EXOC4: variants seen among roughly 807,000 people sequenced by gnomAD.
The protein encoded by EXOC4 is exocyst complex component 4, also known as SEC8-like 1.
Under a neutral mutation model 107.2 loss-of-function variants are expected in EXOC4, and 71 were observed. The ratio of observed to expected loss-of-function variants is 0.66; its 90% CI spans 0.55 to 0.81. EXOC4 has a LOEUF of 0.81. EXOC4 is among the 30% of genes least tolerant of loss of function. The pLI, the probability that EXOC4 is intolerant of heterozygous loss-of-function variation, is 0.00. For synonymous variants in EXOC4, 456 were observed against 441.2 expected, an observed-to-expected ratio of 1.03 and a Z score of -0.42; for missense variants, 1,108 against 1,189.6, an observed-to-expected ratio of 0.93 and a Z score of 1.01.
intron 5 of EXOC4, among the ~76,000 whole-genome samples, chr7:133,349,130 GT>G (rs11288847): frequency 0.98 from 146,732 of 149,002 alleles, 72,259 homozygotes; most frequent in East Asian, 1. Flanking sequence ...AGATTTAAAT[GT>G]TTTTTTTTTT....
chr7:134,038,083 T>C (rs1412561193), intron 17 of EXOC4, among the ~76,000 whole-genome samples: 3 of 152,176 alleles, frequency 2.0e-5, no homozygotes, highest in Non-Finnish European at 4.4e-5. Flanking sequence ...GACCACTCAG[T>C]AGAACAGACA....
At chr7:133,417,238 G>T (rs1797498269) in intron 7 of EXOC4, among the ~76,000 whole-genome samples, 1 of 152,098 alleles carries the variant, frequency 6.6e-6, no homozygotes, top group Non-Finnish European at 1.5e-5. Flanking sequence ...CAGAACTTAG[G>T]CACTAAAGAG....
chr7:133,551,022 A>G (rs532384315), intron 9 of EXOC4, among the ~76,000 whole-genome samples: 3 of 152,122 alleles, frequency 2.0e-5, no homozygotes, highest in East Asian at 3.9e-4. Flanking sequence ...CTTAGGCCCC[A>G]CCTTCCTGAC....
chr7:133,385,941 GT>G (rs1796716786), intron 7 of EXOC4, among the ~76,000 whole-genome samples: 1 of 151,880 alleles, frequency 6.6e-6, no homozygotes, highest in Non-Finnish European at 1.5e-5. Flanking sequence ...CCAGGGATTT[GT>G]TTGTATATAT....
At chr7:134,086,608 C>G in the EXOC4 span, among the ~76,000 whole-genome samples, 10 of 152,134 alleles carry the variant, frequency 6.6e-5, no homozygotes, top group African/African-American at 2.4e-4. Flanking sequence ...CCTCTCAAGG[C>G]AGTGGTTCTG....
intron 10 of EXOC4, among the ~76,000 whole-genome samples, chr7:133,768,702 AG>A (rs1796186589): frequency 6.6e-6 from 1 of 151,940 alleles, no homozygotes; most frequent in South Asian, 2.1e-4. Context: ...TGCTGAATTT[AG>A]GAGAGATGTT....
At chr7:133,516,139 G>T (rs1374337983) in intron 9 of EXOC4, among the ~76,000 whole-genome samples, 2 of 152,170 alleles carry the variant, frequency 1.3e-5, no homozygotes, top group African/African-American at 4.8e-5. Context: ...CCACTACAAG[G>T]TTTTGGGGAC....
intron 14 of EXOC4, among the ~76,000 whole-genome samples, chr7:133,960,602 G>A (rs2971975): frequency 0.69 from 105,288 of 152,078 alleles, 36,830 homozygotes; most frequent in East Asian, 0.91. Flanking sequence ...TCACATGATC[G>A]TCTCAATAAA....
At chr7:133,804,028 A>G (rs1797011743) in intron 10 of EXOC4, among the ~76,000 whole-genome samples, 1 of 152,222 alleles carries the variant, frequency 6.6e-6, no homozygotes, top group Non-Finnish European at 1.5e-5. Context: ...AAATCCTGAT[A>G]ATGTGATATA....
At chr7:133,385,023 C>T (rs150369940) in intron 7 of EXOC4, among the ~76,000 whole-genome samples, 45 of 152,254 alleles carry the variant, frequency 3.0e-4, no homozygotes, top group African/African-American at 1.1e-3. Context: ...TATTATGTAT[C>T]TGGCACCATC....
chr7:133,479,933 A>G (rs1051524818), intron 8 of EXOC4, 117 bp from the exon 9 acceptor site: 19 of 847,066 alleles, frequency 2.2e-5, no homozygotes, highest in East Asian at 7.4e-5. Flanking sequence ...AAGTGTCTTC[A>G]TCACGGAACA....
chr7:133,423,355 T>TA (rs1347012955), intron 7 of EXOC4, among the ~76,000 whole-genome samples: 2 of 152,206 alleles, frequency 1.3e-5, no homozygotes, highest in Non-Finnish European at 2.9e-5. Flanking sequence ...TAATATATGG[T>TA]AAAACTAATA....
At chr7:133,856,794 G>A (rs763735079) in intron 11 of EXOC4, among the ~76,000 whole-genome samples, 2 of 151,928 alleles carry the variant, frequency 1.3e-5, no homozygotes, top group Non-Finnish European at 2.9e-5. Context: ...AAATGCAATA[G>A]AGAAACAGAA....
intron 14 of EXOC4, among the ~76,000 whole-genome samples, chr7:133,979,797 GAAAA>G (rs565178838): frequency 6.7e-6 from 1 of 149,974 alleles, no homozygotes; most frequent in Non-Finnish European, 1.5e-5. Context: ...CAAAAAAAAA[GAAAA>G]AAAAACCCTA....
chr7:133,814,986 G>GA (rs1216464960), intron 10 of EXOC4, among the ~76,000 whole-genome samples: 1 of 152,000 alleles, frequency 6.6e-6, no homozygotes, highest in Non-Finnish European at 1.5e-5. Flanking sequence ...AGAAGAAATT[G>GA]AAGTACAATA....
chr7:133,363,160 A>G (rs1237736884), intron 6 of EXOC4, among the ~76,000 whole-genome samples: 1 of 152,228 alleles, frequency 6.6e-6, no homozygotes, highest in Non-Finnish European at 1.5e-5. Flanking sequence ...CTTTAAATAT[A>G]CCCAACTATT....
At position 133,435,371 on chromosome 7, in the gene EXOC4, T is replaced by C. The variant is rs149613940; in HGVS notation, c.1183-39957T>C. The stretch of plus-strand genomic sequence containing the variant: ...CTTTTTGGGGGTAGGTTATCATGTC[T>C]AGCTATTGATCGTGTCTGTTTCAGA... On this transcript the variant is annotated intron_variant, in intron 7 of 17. Coordinates refer to ENST00000253861, the MANE Select transcript of EXOC4 (RefSeq NM_021807.4). Among the ~76,000 whole-genome samples, 605 of 152,290 alleles carry C rather than the reference T, an allele frequency of 4.0e-3. 9 individuals carry two copies. The highest frequency in any genetic ancestry group is 0.014 in the African/African-American group (571 of 41,566).
At chr7:133,551,019 C>T (rs1306417259) in intron 9 of EXOC4, among the ~76,000 whole-genome samples, 1 of 151,954 alleles carries the variant, frequency 6.6e-6, no homozygotes, top group African/African-American at 2.4e-5. Context: ...AGACTTAGGC[C>T]CCACCTTCCT....
At chr7:133,598,706 G>T (rs1455698398) in intron 9 of EXOC4, among the ~76,000 whole-genome samples, 1 of 152,058 alleles carries the variant, frequency 6.6e-6, no homozygotes, top group Non-Finnish European at 1.5e-5. Context: ...AAACTGGGCC[G>T]GGTGTGGTGG....
Sources: allele counts gnomAD v4.1 joint callset (sites outside exome capture counted in the v4.1 genomes callset), GRCh38; gene constraint gnomAD v4.1.1; transcripts MANE v1.5; gene names NCBI Gene and HGNC (gene_info 2026-07-23, HGNC 2026-07-21).